AGTPBP1: variants seen among roughly 807,000 people sequenced by gnomAD.
The protein encoded by AGTPBP1 is cytosolic carboxypeptidase 1.
Under a neutral mutation model 143.9 loss-of-function variants are expected in AGTPBP1, and 70 were observed. The ratio of observed to expected loss-of-function variants is 0.49; its 90% CI spans 0.40 to 0.59. The LOEUF (loss-of-function observed/expected upper bound fraction) is 0.59, where lower values mean the gene tolerates loss of function less well. Ranked by LOEUF, AGTPBP1 falls within the 20% of genes least tolerant of loss-of-function variation. The pLI is 0.00. For synonymous variants in AGTPBP1, 463 were observed against 500.2 expected (o/e 0.93, Z 0.99); for missense variants, 1,229 against 1,464.5 (o/e 0.84, Z 2.62).
intron 6 of AGTPBP1, among the ~76,000 whole-genome samples, chr9:85,674,279 T>C (rs1834684882): frequency 1.3e-5 from 2 of 151,874 alleles, no homozygotes; most frequent in African/African-American, 2.4e-5. Flanking sequence ...CCATATAATG[T>C]CCTTGAATGA....
chr9:85,779,176 T>TATAG, the AGTPBP1 span, among the ~76,000 whole-genome samples: 1 of 133,712 alleles, frequency 7.5e-6, no homozygotes, highest in African/African-American at 2.9e-5. Flanking sequence ...TAATAGGAGA[T>TATAG]ATATAGATAT....
chr9:85,654,339 G>A (rs1178177134), intron 11 of AGTPBP1, among the ~76,000 whole-genome samples: 2 of 151,742 alleles, frequency 1.3e-5, no homozygotes, highest in African/African-American at 4.8e-5. Context: ...GTATTATATG[G>A]AAAATGACAA....
Position 85,585,543 on chromosome 9 carries a change from C to T in AGTPBP1, c.3085G>A (p.Gly1029Ser). Reference protein sequence around the residue: ...HSRKKNVFMYGCSIKETVWHT... With the variant: ...HSRKKNVFMYSCSIKETVWHT... The stretch of plus-strand genomic sequence containing the variant: ...CACACTGTCTCTTTGATGCTGCAAC[C>T]ATACATAAATACATTCTTCTTTCGG... Residue 1029 changes from glycine to serine, a missense_variant, in exon 23 of 26, where the codon GGT (glycine) becomes AGT (serine). Coordinates refer to ENST00000357081, the MANE Select transcript of AGTPBP1 (RefSeq NM_001330701.2). The T allele has an allele frequency of 6.2e-7, 1 of 1,610,504 alleles. No individual in the cohort carries two copies. The highest frequency in any genetic ancestry group is 8.5e-7 in the Non-Finnish European group (1 of 1,178,376).
chr9:85,594,453 A>G (rs544318020), intron 18 of AGTPBP1, among the ~76,000 whole-genome samples: 1 of 152,202 alleles, frequency 6.6e-6, no homozygotes, highest in Admixed American at 6.5e-5. Flanking sequence ...CCGGTTCACA[A>G]CTGTAGTCCC....
rs187198368 is a variant in AGTPBP1 at position 85,694,942 on chromosome 9, T to G, written c.33-2129A>C. Among the ~76,000 whole-genome samples, 7 of 152,248 alleles carry G rather than the reference T, an allele frequency of 4.6e-5. No individual in the cohort carries two copies. In the East Asian group the frequency reaches 1.4e-3, roughly 29 times the overall value. On this transcript the variant is annotated intron_variant, in intron 2 of 25. Coordinates refer to ENST00000357081, the MANE Select transcript of AGTPBP1 (RefSeq NM_001330701.2). The stretch of plus-strand genomic sequence containing the variant: ...AATATCTAGACTCCCTTTTCCACAC[T>G]GCAACCCAATACAAGTTCTATCTCA...
At chr9:85,595,436 C>A (rs1829233705) in intron 18 of AGTPBP1, among the ~76,000 whole-genome samples, 1 of 152,212 alleles carries the variant, frequency 6.6e-6, no homozygotes, top group African/African-American at 2.4e-5. Context: ...AAGCAAGATA[C>A]ATGAGAATCC....
chr9:85,628,966 C>T (rs1238821456), intron 14 of AGTPBP1, among the ~76,000 whole-genome samples: 1 of 152,074 alleles, frequency 6.6e-6, no homozygotes, highest in Non-Finnish European at 1.5e-5. Flanking sequence ...CCACCCACCT[C>T]GGCCTCCCAA....
chr9:85,741,908 C>T lies in AGTPBP1; in HGVS notation c.-167G>A, dbSNP rs1167355181. 2 of 1,201,208 alleles carry T rather than the reference C, an allele frequency of 1.7e-6. No individual in the cohort carries two copies. The highest frequency in any genetic ancestry group is 2.1e-6 in the Non-Finnish European group (2 of 940,708). The allele number at this position is 1,201,208 out of a possible 1,614,324, so 74.4% of individuals were successfully genotyped here. On this transcript the variant is annotated 5_prime_UTR_variant, in exon 1 of 26. Transcript: ENST00000357081. ...ACCCCGGTGGCAGGCGAGGCGGAGG[C>T]GGCGGCGGCGGCAGCTGCGGCGGCG...
intron 23 of AGTPBP1, 21 bp downstream of exon 23, chr9:85,585,442 T>C (rs753958596): frequency 3.2e-6 from 5 of 1,547,056 alleles, no homozygotes; most frequent in South Asian, 1.3e-5. Context: ...CAAAAACTTA[T>C]GAATCATCTG....
At chr9:85,737,582 ACTTT>A (rs1823885180) in intron 1 of AGTPBP1, among the ~76,000 whole-genome samples, 1 of 152,226 alleles carries the variant, frequency 6.6e-6, no homozygotes, top group Non-Finnish European at 1.5e-5. Context: ...AACAACCATA[ACTTT>A]CTTTAATATT....
intron 23 of AGTPBP1, among the ~76,000 whole-genome samples, chr9:85,582,888 G>T (rs1828362741): frequency 6.6e-6 from 1 of 152,120 alleles, no homozygotes; most frequent in East Asian, 1.9e-4. Context: ...TTAATCACCA[G>T]AATCTAGGAA....
intron 1 of AGTPBP1, among the ~76,000 whole-genome samples, chr9:85,732,326 T>C (rs1838941675): frequency 6.6e-6 from 1 of 150,704 alleles, no homozygotes; most frequent in Admixed American, 6.6e-5. Flanking sequence ...GCCATTCTCC[T>C]GCCTCAGTTT....
intron 8 of AGTPBP1, 99 bp from the exon 9 acceptor site, chr9:85,661,072 T>A: frequency 9.7e-7 from 1 of 1,030,286 alleles, no homozygotes; most frequent in Non-Finnish European, 1.4e-6. Flanking sequence ...CATTATTCTA[T>A]TATCTATTCC....
At chr9:85,740,286 T>G (rs759187514) in intron 1 of AGTPBP1, among the ~76,000 whole-genome samples, 6 of 152,234 alleles carry the variant, frequency 3.9e-5, no homozygotes, top group Non-Finnish European at 8.8e-5. Context: ...ATTATGTGAT[T>G]AATCAATTCA....
At position 85,681,397 on chromosome 9, in the gene AGTPBP1, T is replaced by C. The variant is rs910184924; in HGVS notation, c.158-62A>G. The C allele has an allele frequency of 1.2e-5, 16 of 1,389,226 alleles. No individual in the cohort carries two copies. In the East Asian group the frequency reaches 1.4e-4, roughly 12 times the overall value. 86.1% of individuals were successfully genotyped at this position (1,389,226 alleles called of 1,614,324 possible). On this transcript the variant is annotated intron_variant, in intron 3 of 25. Transcript: ENST00000357081. Reference sequence around the variant, plus strand: ...ATTTTTAAAAGTATGTATAGTTTTGTTGCATATAGCTAATAAAGATTCAAC... The same window carrying C: ...ATTTTTAAAAGTATGTATAGTTTTGCTGCATATAGCTAATAAAGATTCAAC...
intron 13 of AGTPBP1, among the ~76,000 whole-genome samples, chr9:85,640,812 A>G (rs1347545705): frequency 1.3e-5 from 2 of 152,258 alleles, no homozygotes; most frequent in Non-Finnish European, 2.9e-5. Context: ...ACCTATAATC[A>G]GGTTACTTTT....
chr9:85,611,608 G>C (rs1344858015), intron 17 of AGTPBP1, among the ~76,000 whole-genome samples: 1 of 152,154 alleles, frequency 6.6e-6, no homozygotes, highest in Non-Finnish European at 1.5e-5. Flanking sequence ...GTATTTTTAA[G>C]TCTTAGGTAG....
the AGTPBP1 span, among the ~76,000 whole-genome samples, chr9:85,779,212 G>GATATAGAT: frequency 1.4e-5 from 2 of 141,556 alleles, no homozygotes; most frequent in Non-Finnish European, 3.0e-5. Context: ...TATAGATATA[G>GATATAGAT]ATATAGATAT....
chr9:85,633,429 A>G, intron 13 of AGTPBP1, 55 bp from the exon 14 acceptor site: 1 of 1,320,486 alleles, frequency 7.6e-7, no homozygotes. Context: ...AAACATATTA[A>G]CAAAACTAAT....
Sources: gnomAD v4.1 joint callset for allele counts (sites outside exome capture counted in the v4.1 genomes callset) on GRCh38, gnomAD v4.1.1 for gene constraint, MANE v1.5 for transcripts, NCBI Gene and HGNC (gene_info 2026-07-23, HGNC 2026-07-21) for gene names.